Variants in EPB41 observed in about 807,000 individuals in gnomAD.
EPB41 encodes the protein protein 4.1.
Under a neutral mutation model 108.0 loss-of-function variants are expected in EPB41, and 65 were observed. That is an observed-to-expected ratio of 0.60 (90% CI 0.49 to 0.74). EPB41 has a LOEUF of 0.74. Among genes scored for constraint, EPB41 ranks in the 30% least tolerant of loss-of-function variants. The pLI, the probability that EPB41 is intolerant of heterozygous loss-of-function variation, is 0.00. For missense variants in EPB41, 875 were observed against 1,037.0 expected (o/e 0.84, Z 2.15); for synonymous variants, 336 against 358.9 (o/e 0.94, Z 0.72).
chr1:29,106,579 T>A, intron 17 of EPB41, among the ~76,000 whole-genome samples: 1 of 127,978 alleles, frequency 7.8e-6, no homozygotes, highest in Non-Finnish European at 1.7e-5. Context: ...TTTTTTTTTT[T>A]TTTTTTTTTT....
At chr1:28,948,482 C>G (rs2094571102) in intron 1 of EPB41, among the ~76,000 whole-genome samples, 1 of 143,230 alleles carries the variant, frequency 7.0e-6, no homozygotes, top group African/African-American at 2.6e-5. Context: ...GCACTCCAGC[C>G]TGGGCGACAG....
rs150060045 is a variant in EPB41 at position 28,961,895 on chromosome 1, A to G, written c.-7-25536A>G. Among the ~76,000 whole-genome samples the G allele has an allele frequency of 3.2e-4, 48 of 152,310 alleles. 1 individual carries two copies. In the East Asian group the frequency reaches 9.1e-3, roughly 29 times the overall value. ...AGGAGAGCAAACTGGTTCCTCCTCTATATAGAAACCCATCATGGGTTTATA... is the reference window on the plus strand; with the variant it reads ...AGGAGAGCAAACTGGTTCCTCCTCTGTATAGAAACCCATCATGGGTTTATA... On this transcript the variant is annotated intron_variant, in intron 1 of 20. Transcript: ENST00000343067.
intron 1 of EPB41, among the ~76,000 whole-genome samples, chr1:28,977,738 C>T (rs550849345): frequency 4.5e-4 from 68 of 152,194 alleles, no homozygotes; most frequent in African/African-American, 1.6e-3. Flanking sequence ...TCCTCTGTAC[C>T]CGTCCTATCA....
intron 1 of EPB41, among the ~76,000 whole-genome samples, chr1:28,980,917 C>T (rs901273870): frequency 1.8e-4 from 27 of 150,808 alleles, no homozygotes; most frequent in African/African-American, 4.6e-4. Context: ...GGATTACAGA[C>T]GTCCGCCACC....
At chr1:29,028,426 A>T (rs1232095539) in intron 7 of EPB41, among the ~76,000 whole-genome samples, 1 of 152,224 alleles carries the variant, frequency 6.6e-6, no homozygotes, top group Non-Finnish European at 1.5e-5. Context: ...CAGTTTTACA[A>T]CCATCATCTC....
intron 1 of EPB41, among the ~76,000 whole-genome samples, chr1:28,897,699 GGAAA>G (rs2090867394): frequency 6.7e-6 from 1 of 150,310 alleles, no homozygotes; most frequent in African/African-American, 2.5e-5. Flanking sequence ...AGGAAAGGAA[GGAAA>G]GAAAGAAGGC....
rs1491193201 is a variant in EPB41 at position 28,935,468 on chromosome 1, C to CACACACACACACA, written c.-8+20700_-8+20701insACACACACACACA. On this transcript the variant is annotated intron_variant, in intron 1 of 20. Transcript: ENST00000343067. ...ACACACACACACACACACACACACA[C>CACACACACACACA]CCCCCCCCCCCCAAGATCTACGCAC... Among the ~76,000 whole-genome samples the CACACACACACACA allele has an allele frequency of 5.9e-3, 248 of 42,206 alleles. 27 individuals carry two copies. Among genetic ancestry groups the CACACACACACACA allele is most frequent in the East Asian group, 9.6e-3 (11 of 1,140 alleles). The allele number at this position is 42,206 out of a possible 152,430, so 27.7% of individuals were successfully genotyped here.
intron 1 of EPB41, among the ~76,000 whole-genome samples, chr1:28,892,840 G>A (rs2147832619): frequency 9.2e-6 from 1 of 108,832 alleles, no homozygotes; most frequent in South Asian, 2.8e-4. Context: ...ATCTTACTCT[G>A]TTGTCCAGGC....
intron 7 of EPB41, among the ~76,000 whole-genome samples, chr1:29,021,683 C>T (rs2096647734): frequency 6.6e-6 from 1 of 151,578 alleles, no homozygotes. Flanking sequence ...CCCGGGTTCA[C>T]ATCATTCTCC....
chr1:28,916,974 G>T (rs2092719948), intron 1 of EPB41, among the ~76,000 whole-genome samples: 1 of 151,626 alleles, frequency 6.6e-6, no homozygotes. Context: ...TTTATTTTTT[G>T]TAGAGACAGT....
At chr1:28,935,701 A>T (rs1310252494) in intron 1 of EPB41, among the ~76,000 whole-genome samples, 1 of 151,844 alleles carries the variant, frequency 6.6e-6, no homozygotes, top group African/African-American at 2.4e-5. Context: ...CAGGCAGACC[A>T]TGCGGTCATG....
At chr1:29,015,542 C>G (rs1247162046) in intron 5 of EPB41, 150 bp from the exon 6 acceptor site, 3 of 609,664 alleles carry the variant, frequency 4.9e-6, no homozygotes, top group Non-Finnish European at 5.9e-6. Flanking sequence ...CTACGGCACT[C>G]CAGCCTGGGC....
intron 4 of EPB41, among the ~76,000 whole-genome samples, chr1:29,000,625 C>A (rs905236662): frequency 6.6e-6 from 1 of 152,118 alleles, no homozygotes; most frequent in Non-Finnish European, 1.5e-5. Flanking sequence ...TTTATAAGAG[C>A]CCCTACTGGG....
Position 28,987,813 on chromosome 1 carries a change from A to G in EPB41, c.376A>G (p.Ile126Val). Residue 126 changes from isoleucine to valine, a missense_variant, in exon 2 of 21, where the codon ATC (isoleucine) becomes GTC (valine). Transcript: ENST00000343067. ...IEFGTSLDEE[I>V]ILKAPIAAPE... is the part of the protein sequence containing the mutation. ...ATTTGGAACCAGTCTTGATGAAGAG[A>G]TCATTTTAAAGGCCCCAATTGCAGC... is the stretch of plus-strand genomic sequence containing the variant. 6.2e-7 allele frequency: 1 copy of G among 1,614,210 alleles called. No individual in the cohort carries two copies. The highest frequency in any genetic ancestry group is 8.5e-7 in the Non-Finnish European group (1 of 1,180,040).
intron 16 of EPB41, among the ~76,000 whole-genome samples, chr1:29,090,904 A>C (rs1157946060): frequency 1.3e-5 from 2 of 152,216 alleles, no homozygotes; most frequent in Admixed American, 1.3e-4. Context: ...AACAGTGTCA[A>C]CTTGAGAAGT....
At chr1:28,963,344 C>CGTGTGTGTGT (rs57558766) in intron 1 of EPB41, among the ~76,000 whole-genome samples, 343 of 146,320 alleles carry the variant, frequency 2.3e-3, no homozygotes, top group African/African-American at 7.4e-3. Context: ...AAATCAGAAT[C>CGTGTGTGTGT]GTGTGTGTGT....
intron 17 of EPB41, among the ~76,000 whole-genome samples, chr1:29,108,659 G>T (rs1668075818): frequency 6.6e-6 from 1 of 151,566 alleles, no homozygotes; most frequent in Middle Eastern, 3.4e-3. Flanking sequence ...CCAGGTTCAA[G>T]CATTTCTTCT....
intron 11 of EPB41, among the ~76,000 whole-genome samples, chr1:29,047,886 C>T (rs1029993263): frequency 6.6e-5 from 10 of 151,862 alleles, no homozygotes; most frequent in Admixed American, 5.9e-4. Flanking sequence ...CAAGTTCAAG[C>T]GATTCTCCCG....
intron 16 of EPB41, chr1:29,096,947 T>TA (rs1280849001): frequency 6.6e-6 from 1 of 152,146 alleles, no homozygotes; most frequent in Non-Finnish European, 1.5e-5. Context: ...AGACCATGCT[T>TA]AAAAAATTCA....
Sources: gnomAD v4.1 joint callset for allele counts (sites outside exome capture counted in the v4.1 genomes callset) on GRCh38, gnomAD v4.1.1 for gene constraint, MANE v1.5 for transcripts, NCBI Gene and HGNC (gene_info 2026-07-23, HGNC 2026-07-21) for gene names.